The following KXD1 variants were observed in gnomAD, a reference collection of about 807,000 sequenced individuals.
The protein encoded by KXD1 is KxDL motif containing 1.
Under a neutral mutation model 12.1 loss-of-function variants are expected in KXD1, and 5 were observed. That is an observed-to-expected ratio of 0.41 (90% CI 0.22 to 0.87). The LOEUF (loss-of-function observed/expected upper bound fraction) is 0.87. KXD1 is among the 40% of genes least tolerant of loss of function. The probability of loss-of-function intolerance (pLI) is 0.31; values close to 1 mark genes in which losing one functional copy is unlikely to be tolerated. For missense variants in KXD1, 193 were observed against 244.9 expected, an observed-to-expected ratio of 0.79 and a Z score of 1.41; for synonymous variants, 98 against 100.5, an observed-to-expected ratio of 0.98 and a Z score of 0.15.
At chr19:18,562,406 C>G (rs1442048457) in intron 2 of KXD1, among the ~76,000 whole-genome samples, 1 of 152,184 alleles carries the variant, frequency 6.6e-6, no homozygotes, top group Non-Finnish European at 1.5e-5. Flanking sequence ...TGTCCCGAGA[C>G]CTGGGGTGGG....
At chr19:18,559,502 T>C (rs1188634620) in intron 1 of KXD1, 7 of 152,168 alleles carry the variant, frequency 4.6e-5, no homozygotes, top group Non-Finnish European at 8.8e-5. Context: ...GAAAAAAGTA[T>C]TGATTGCTGA....
intron 3 of KXD1, among the ~76,000 whole-genome samples, chr19:18,566,304 T>A (rs746809361): frequency 2.6e-5 from 4 of 151,416 alleles, no homozygotes; most frequent in African/African-American, 9.7e-5. Flanking sequence ...CAAAAAATAC[T>A]AAAAATACAA....
chr19:18,562,838 A>G (rs750548947), intron 2 of KXD1, among the ~76,000 whole-genome samples: 1 of 152,236 alleles, frequency 6.6e-6, no homozygotes, highest in Non-Finnish European at 1.5e-5. Context: ...GTGTCTGCAC[A>G]GTGCCCAGGG....
chr19:18,558,975 C>CTTTTTTTTTTTTTTTTTTTTTTTT (rs71336684), intron 1 of KXD1: 1 of 55,566 alleles, frequency 1.8e-5, no homozygotes, highest in Non-Finnish European at 3.2e-5. Context: ...CTCCAGGTGT[C>CTTTTTTTTTTTTTTTTTTTTTTTT]TTTTTTTTTT....
intron 3 of KXD1, 32 bp from the exon 4 acceptor site, chr19:18,567,100 G>A (rs1330480792): frequency 6.2e-7 from 1 of 1,612,224 alleles, no homozygotes; most frequent in African/African-American, 1.3e-5. Flanking sequence ...TGCTCAGCAG[G>A]TTAAGCCCTG....
At chr19:18,560,832 G>A (rs1384213194) in intron 1 of KXD1, among the ~76,000 whole-genome samples, 3 of 151,710 alleles carry the variant, frequency 2.0e-5, no homozygotes, top group East Asian at 1.9e-4. Context: ...TCAAGCTCCC[G>A]AGTAGCTGGG....
At chr19:18,567,329 T>G (rs1600594408) in intron 4 of KXD1, 151 bp downstream of exon 4, 2 of 769,222 alleles carry the variant, frequency 2.6e-6, no homozygotes, top group Non-Finnish European at 4.4e-6. Context: ...AGGGTCAGGG[T>G]GCTGGCCTGG....
chr19:18,564,313 G>A (rs1248402235), intron 2 of KXD1, among the ~76,000 whole-genome samples: 2 of 152,054 alleles, frequency 1.3e-5, no homozygotes, highest in Non-Finnish European at 2.9e-5. Flanking sequence ...ACAACCTGGG[G>A]CTAGTGGAAT....
At chr19:18,568,211 G>A (rs945568065) in intron 4 of KXD1, among the ~76,000 whole-genome samples, 191 bp from the exon 5 acceptor site, 1 of 149,802 alleles carries the variant, frequency 6.7e-6, no homozygotes, top group African/African-American at 2.5e-5. Context: ...AGGTTGCAGT[G>A]AGCCGAGATT....
chr19:18,568,576 C>T lies in KXD1; in HGVS notation c.476C>T (p.Ser159Phe). The T allele has an allele frequency of 6.2e-7, 1 of 1,613,276 alleles. No homozygotes were observed. The highest frequency in any genetic ancestry group is 8.5e-7 in the Non-Finnish European group (1 of 1,179,934). The change falls in exon 5 of 5, where the codon TCC (serine) becomes TTC (phenylalanine). Residue 159 changes from serine (S) to phenylalanine (F), a missense_variant. Coordinates refer to ENST00000222307, the MANE Select transcript of KXD1 (RefSeq NM_024069.4). ...FEDLSHVQPG[S>F]PAINGRSQTD... ...GACCTGTCCCATGTCCAGCCTGGCTCCCCAGCCATCAACGGCCGCAGCCAG... is the reference window on the plus strand; with the variant it reads ...GACCTGTCCCATGTCCAGCCTGGCTTCCCAGCCATCAACGGCCGCAGCCAG...
At chr19:18,559,838 A>C (rs1421747485) in intron 1 of KXD1, 1 of 152,108 alleles carries the variant, frequency 6.6e-6, no homozygotes, top group African/African-American at 2.4e-5. Flanking sequence ...AATAAATGGG[A>C]GAGTACATTA....
intron 3 of KXD1, among the ~76,000 whole-genome samples, chr19:18,565,727 G>A (rs1314611550): frequency 6.6e-6 from 1 of 151,978 alleles, no homozygotes; most frequent in African/African-American, 2.4e-5. Context: ...TTGCTCTGTC[G>A]CCCAGGCTGG....
Position 18,567,426 on chromosome 19 carries a change from T to G in KXD1, c.301+248T>G, listed in dbSNP as rs919223511. 1.6e-5 allele frequency: 11 copies of G among 678,200 alleles called. No individual in the cohort carries two copies. In the Admixed American group the frequency reaches 2.2e-4, roughly 14 times the overall value. The allele number at this position is 678,200 out of a possible 1,614,324, so 42.0% of individuals were successfully genotyped here. On this transcript the variant is annotated intron_variant, in intron 4 of 4. Coordinates refer to ENST00000222307, the MANE Select transcript of KXD1 (RefSeq NM_024069.4). Reference sequence around the variant, plus strand: ...CACAGGAGAATGTGGATAAGCAGCATGACAATCCTTATCCCTGTGTGCATT... The same window carrying G: ...CACAGGAGAATGTGGATAAGCAGCAGGACAATCCTTATCCCTGTGTGCATT...
chr19:18,561,831 C>A (rs1974927278), intron 1 of KXD1: 4 of 440,886 alleles, frequency 9.1e-6, no homozygotes, highest in Non-Finnish European at 1.6e-5. Flanking sequence ...CAAATACAAC[C>A]TCTCTTAGTT....
chr19:18,559,974 T>C (rs1974861838), intron 1 of KXD1: 1 of 143,094 alleles, frequency 7.0e-6, no homozygotes, highest in African/African-American at 2.6e-5. Context: ...TCTCTTTCTC[T>C]CTCTCCCTTC....
chr19:18,565,228 GAGT>G, intron 3 of KXD1: 1 of 1,194,416 alleles, frequency 8.4e-7, no homozygotes, highest in South Asian at 2.1e-5. Flanking sequence ...GATCGAGACA[GAGT>G]TTTTTTTTTT....
chr19:18,558,173 G>A (rs1363848035), intron 1 of KXD1: 2 of 152,424 alleles, frequency 1.3e-5, no homozygotes, highest in Non-Finnish European at 2.9e-5. Context: ...TGGGTGTGTC[G>A]TGTAACCTGG....
chr19:18,564,296 C>T (rs1437016058), intron 2 of KXD1, among the ~76,000 whole-genome samples: 2 of 152,162 alleles, frequency 1.3e-5, no homozygotes, highest in East Asian at 1.9e-4. Flanking sequence ...AGGGCTGGGC[C>T]AGAGGAACAA....
At chr19:18,568,285 G>A (rs1296696692) in intron 4 of KXD1, 117 bp from the exon 5 acceptor site, 1 of 690,240 alleles carries the variant, frequency 1.4e-6, no homozygotes. Flanking sequence ...AAAAAAAAAG[G>A]GTCAAGTCAT....
Sources: allele counts gnomAD v4.1 joint callset (sites outside exome capture counted in the v4.1 genomes callset), GRCh38; gene constraint gnomAD v4.1.1; transcripts MANE v1.5; gene names NCBI Gene and HGNC (gene_info 2026-07-23, HGNC 2026-07-21).